Variants in GBE1 observed in about 807,000 individuals in gnomAD.
The protein encoded by GBE1 is 1,4-alpha-glucan branching enzyme 1.
GBE1 carries 70 observed loss-of-function variants against 88.8 expected under a neutral mutation model. The ratio of observed to expected loss-of-function variants is 0.79; its 90% CI spans 0.65 to 0.96. GBE1 has a LOEUF of 0.96. GBE1 is among the 40% of genes least tolerant of loss of function. The pLI, the probability that GBE1 is intolerant of heterozygous loss-of-function variation, is 0.00. For missense variants in GBE1, 872 were observed against 871.0 expected, an observed-to-expected ratio of 1.00 and a Z score of -0.01; for synonymous variants, 284 against 300.1, an observed-to-expected ratio of 0.95 and a Z score of 0.56.
In GBE1 at chr3:81,649,804, A is replaced by C; in HGVS notation, c.547T>G (p.Ser183Ala). ...YDWIHWDPEH[S>A]YEFKHSRPKK... Reference sequence around the variant, plus strand: ...AGATTTGTTGTTCTCACCTCATATGAGTGTTCTGGATCCCAGTGTATCCAA... The same window carrying C: ...AGATTTGTTGTTCTCACCTCATATGCGTGTTCTGGATCCCAGTGTATCCAA... Residue 183 changes from serine (S) to alanine (A), a missense_variant, in exon 4 of 16, where the codon TCA (serine) becomes GCA (alanine). Transcript: ENST00000429644. 1 of 1,607,150 alleles carries C rather than the reference A, an allele frequency of 6.2e-7. No homozygotes were observed. Among genetic ancestry groups the C allele is most frequent in the Non-Finnish European group, 8.5e-7 (1 of 1,176,376 alleles).
intron 14 of GBE1, among the ~76,000 whole-genome samples, chr3:81,503,483 C>T (rs370835696): frequency 4.9e-4 from 75 of 152,156 alleles, no homozygotes; most frequent in African/African-American, 1.7e-3. Flanking sequence ...GGCGGAAAGA[C>T]TAAGTCGGGA....
intron 1 of GBE1, among the ~76,000 whole-genome samples, chr3:81,740,071 A>T (rs1369885736): frequency 6.6e-6 from 1 of 152,092 alleles, no homozygotes; most frequent in Non-Finnish European, 1.5e-5. Flanking sequence ...CAAAAAATTT[A>T]AAAATCAGCC....
chr3:81,625,340 C>A (rs1420269634), intron 7 of GBE1, among the ~76,000 whole-genome samples: 1 of 152,098 alleles, frequency 6.6e-6, no homozygotes, highest in Non-Finnish European at 1.5e-5. Flanking sequence ...TCACTGGAGG[C>A]ACCTGGAGTC....
intron 12 of GBE1, among the ~76,000 whole-genome samples, chr3:81,570,237 A>G (rs1703555142): frequency 1.3e-5 from 2 of 152,200 alleles, no homozygotes. Context: ...ATTAGAAAAA[A>G]AAATTCTTAA....
chr3:81,616,555 A>G (rs932256776), intron 7 of GBE1, among the ~76,000 whole-genome samples: 2 of 152,056 alleles, frequency 1.3e-5, no homozygotes, highest in East Asian at 1.9e-4. Flanking sequence ...TTCCATCAAT[A>G]TGTCTATCCC....
intron 14 of GBE1, among the ~76,000 whole-genome samples, chr3:81,530,852 G>T (rs1285092972): frequency 6.6e-6 from 1 of 151,770 alleles, no homozygotes; most frequent in Non-Finnish European, 1.5e-5. Flanking sequence ...AAAGGCCAAG[G>T]GTTCTTTAGT....
intron 1 of GBE1, among the ~76,000 whole-genome samples, chr3:81,754,832 G>A (rs140785088): frequency 2.4e-4 from 36 of 152,162 alleles, no homozygotes; most frequent in African/African-American, 8.4e-4. Flanking sequence ...CAAATCAAAT[G>A]GATTAAAAAC....
chr3:81,702,125 G>A (rs1160700771), intron 2 of GBE1, among the ~76,000 whole-genome samples: 2 of 146,282 alleles, frequency 1.4e-5, no homozygotes, highest in Non-Finnish European at 3.0e-5. Flanking sequence ...GTGTGTGTGT[G>A]TGTGTGTGTG....
intron 7 of GBE1, among the ~76,000 whole-genome samples, chr3:81,642,051 C>G (rs1393726673): frequency 6.6e-6 from 1 of 151,242 alleles, no homozygotes; most frequent in Non-Finnish European, 1.5e-5. Flanking sequence ...AAATAATAAA[C>G]ACAAGTTCAT....
chr3:81,590,159 T>C (rs1703858004), intron 9 of GBE1, among the ~76,000 whole-genome samples: 1 of 152,006 alleles, frequency 6.6e-6, no homozygotes, highest in Non-Finnish European at 1.5e-5. Flanking sequence ...TTTTGAGAAA[T>C]GGTGGATATA....
intron 12 of GBE1, among the ~76,000 whole-genome samples, chr3:81,558,737 T>C (rs1357185916): frequency 1.3e-5 from 2 of 152,128 alleles, no homozygotes; most frequent in African/African-American, 2.4e-5. Flanking sequence ...TTTTCTTCAC[T>C]AAAAAATAAT....
At chr3:81,670,659 T>C (rs1418556374) in intron 3 of GBE1, among the ~76,000 whole-genome samples, 179 bp downstream of exon 3, 2 of 152,214 alleles carry the variant, frequency 1.3e-5, no homozygotes, top group Non-Finnish European at 2.9e-5. Flanking sequence ...CAAACAATTC[T>C]AATCTAACCC....
intron 3 of GBE1, among the ~76,000 whole-genome samples, chr3:81,663,597 C>G (rs1705061713): frequency 6.6e-6 from 1 of 152,130 alleles, no homozygotes; most frequent in Non-Finnish European, 1.5e-5. Context: ...TCCAGTATAC[C>G]AAGGCAAGAA....
intron 1 of GBE1, among the ~76,000 whole-genome samples, chr3:81,759,895 TTAATA>T (rs1474173083): frequency 6.6e-6 from 1 of 151,678 alleles, no homozygotes; most frequent in Non-Finnish European, 1.5e-5. Context: ...CAACTCTTCT[TTAATA>T]AATATCTTAA....
intron 12 of GBE1, among the ~76,000 whole-genome samples, chr3:81,571,085 A>G (rs574697392): frequency 2.6e-5 from 4 of 152,316 alleles, no homozygotes; most frequent in African/African-American, 4.8e-5. Flanking sequence ...AAATGGAGGG[A>G]AAAAGGAGGT....
At chr3:81,492,677 ATTCTCCCT>A (rs149554537) in intron 15 of GBE1, among the ~76,000 whole-genome samples, 240 of 134,068 alleles carry the variant, frequency 1.8e-3, no homozygotes, top group African/African-American at 6.4e-3. Flanking sequence ...CCCTTCTCCC[ATTCTCCCT>A]TTCTCCCTTT....
At chr3:81,507,667 T>C (rs1270903503) in intron 14 of GBE1, among the ~76,000 whole-genome samples, 1 of 147,386 alleles carries the variant, frequency 6.8e-6, no homozygotes, top group Non-Finnish European at 1.5e-5. Context: ...TATACATATA[T>C]GTGTGTGTGT....
Position 81,493,529 on chromosome 3 carries a change from AT to A in GBE1, c.2053-3067del, listed in dbSNP as rs200270254. On this transcript the variant is annotated intron_variant, in intron 15 of 15. Transcript: ENST00000429644. ...GCTTGTCTAAATTTAGCTTGTCTAAATTTTTTTTTTTTTTTCTTTTTAGAAG... is the reference window on the plus strand; with the variant it reads ...GCTTGTCTAAATTTAGCTTGTCTAAATTTTTTTTTTTTTTCTTTTTAGAAG... Among the ~76,000 whole-genome samples the A allele has an allele frequency of 5.0e-3, 716 of 143,994 alleles. 5 individuals are homozygous for A. The East Asian group carries it at 0.054, about 11-fold the overall frequency. 94.5% of individuals were successfully genotyped at this position (143,994 alleles called of 152,430 possible).
At chr3:81,578,910 C>T (rs1011811478) in intron 11 of GBE1, among the ~76,000 whole-genome samples, 2 of 151,998 alleles carry the variant, frequency 1.3e-5, no homozygotes, top group African/African-American at 4.8e-5. Flanking sequence ...TGTTTACAAT[C>T]TTTTCTATCT....
Sources: allele counts gnomAD v4.1 joint callset (sites outside exome capture counted in the v4.1 genomes callset), GRCh38; gene constraint gnomAD v4.1.1; transcripts MANE v1.5; gene names NCBI Gene and HGNC (gene_info 2026-07-23, HGNC 2026-07-21).